Variants in EEA1 observed in about 807,000 individuals in gnomAD.
EEA1 encodes early endosome antigen 1, also known as early endosome antigen 1, 162kD.
Under a neutral mutation model 209.2 loss-of-function variants are expected in EEA1, and 111 were observed. The observed-to-expected ratio is 0.53, with a 90% CI of 0.45 to 0.62. The LOEUF (loss-of-function observed/expected upper bound fraction) is 0.62, where lower values mean the gene tolerates loss of function less well. Among genes scored for constraint, EEA1 ranks in the 20% least tolerant of loss-of-function variants. The pLI, the probability that EEA1 is intolerant of heterozygous loss-of-function variation, is 0.00. For synonymous variants in EEA1, 536 were observed against 540.6 expected (o/e 0.99, Z 0.12); for missense variants, 1,343 against 1,530.8 (o/e 0.88, Z 2.05).
intron 11 of EEA1, among the ~76,000 whole-genome samples, chr12:92,831,940 A>G (rs1447752643): frequency 6.0e-5 from 9 of 149,016 alleles, no homozygotes; most frequent in African/African-American, 2.2e-4. Flanking sequence ...AAAAAAAATT[A>G]GCCGGGCGCG....
At chr12:92,808,140 G>T (rs1875303120) in intron 18 of EEA1, among the ~76,000 whole-genome samples, 1 of 152,010 alleles carries the variant, frequency 6.6e-6, no homozygotes, top group Non-Finnish European at 1.5e-5. Flanking sequence ...TAGATACTAT[G>T]ATATTAGGTA....
chr12:92,851,812 G>T (rs1877643460), intron 8 of EEA1, among the ~76,000 whole-genome samples: 1 of 152,042 alleles, frequency 6.6e-6, no homozygotes, highest in African/African-American at 2.4e-5. Flanking sequence ...TTTTATACTT[G>T]TTGAATTTGA....
intron 1 of EEA1, among the ~76,000 whole-genome samples, chr12:92,910,950 G>A (rs1483682965): frequency 1.3e-5 from 2 of 152,214 alleles, no homozygotes; most frequent in Non-Finnish European, 1.5e-5. Flanking sequence ...AACACAGCTA[G>A]TAGAATGGCC....
chr12:92,891,636 G>T lies in EEA1; in HGVS notation c.110C>A (p.Ser37Tyr). The stretch of plus-strand genomic sequence containing the variant: ...AAGTTATTATTTTCATACCTCTGAA[G>T]AGCTTTCATTATTGACGTCCACTGT... ...INTVDVNNES[S>Y]SEGFICPQCM... The change falls in exon 2 of 29, where the codon TCT becomes TAT. Residue 37 changes from serine (S) to tyrosine (Y), a missense_variant. Transcript: ENST00000322349. The T allele has an allele frequency of 6.3e-7, 1 of 1,598,550 alleles. No homozygotes were observed.
At chr12:92,864,021 C>T (rs1400006041) in intron 3 of EEA1, among the ~76,000 whole-genome samples, 2 of 152,090 alleles carry the variant, frequency 1.3e-5, no homozygotes, top group African/African-American at 4.8e-5. Context: ...TTAATTCACA[C>T]ATAAAAATAC....
intron 21 of EEA1, among the ~76,000 whole-genome samples, chr12:92,797,382 C>T (rs891225237): frequency 1.2e-4 from 18 of 152,126 alleles, no homozygotes; most frequent in African/African-American, 4.3e-4. Context: ...GCCACTGCAC[C>T]CAGCCAATTT....
At chr12:92,840,877 T>C (rs1877138008) in intron 10 of EEA1, among the ~76,000 whole-genome samples, 1 of 152,142 alleles carries the variant, frequency 6.6e-6, no homozygotes, top group Non-Finnish European at 1.5e-5. Flanking sequence ...CTCAAGGAGA[T>C]GGTATTAGGA....
Position 92,776,698 on chromosome 12 carries a change from C to A in EEA1, c.4113+146G>T, listed in dbSNP as rs1873669571. ...CATATGCTAACCAAAAGCTAGACTGCATGAAGTTATTCTATGTTGTTGTTA... is the reference window on the plus strand; with the variant it reads ...CATATGCTAACCAAAAGCTAGACTGAATGAAGTTATTCTATGTTGTTGTTA... On this transcript the variant is annotated intron_variant, in intron 28 of 28. Transcript: ENST00000322349. 7.0e-6 allele frequency: 5 copies of A among 712,676 alleles called. No homozygotes were observed. The East Asian group carries it at 1.4e-4, about 19-fold the overall frequency. 44.1% of individuals were successfully genotyped at this position (712,676 alleles called of 1,614,324 possible).
intron 21 of EEA1, among the ~76,000 whole-genome samples, chr12:92,791,766 A>G (rs1210678593): frequency 6.6e-6 from 1 of 152,234 alleles, no homozygotes; most frequent in African/African-American, 2.4e-5. Context: ...CTCTGCAACA[A>G]GCAGACCTAA....
At chr12:92,830,580 G>C (rs956024853) in intron 11 of EEA1, among the ~76,000 whole-genome samples, 3 of 151,908 alleles carry the variant, frequency 2.0e-5, no homozygotes, top group African/African-American at 4.8e-5. Flanking sequence ...GGAATAAAAA[G>C]AATATTTCAG....
intron 1 of EEA1, among the ~76,000 whole-genome samples, chr12:92,913,073 T>C (rs372124412): frequency 6.6e-6 from 1 of 152,220 alleles, no homozygotes; most frequent in East Asian, 1.9e-4. Context: ...CTGGGACTGC[T>C]GGATTGAACT....
At chr12:92,854,442 T>C (rs1877776182) in intron 5 of EEA1, among the ~76,000 whole-genome samples, 1 of 152,216 alleles carries the variant, frequency 6.6e-6, no homozygotes, top group Admixed American at 6.5e-5. Flanking sequence ...TAATACCTGT[T>C]AGACCCCATA....
intron 18 of EEA1, among the ~76,000 whole-genome samples, chr12:92,808,620 G>A (rs1228956719): frequency 4.0e-5 from 6 of 151,892 alleles, no homozygotes; most frequent in Admixed American, 2.6e-4. Flanking sequence ...TTATAAGAAA[G>A]AATCCATTCC....
At chr12:92,844,902 T>C (rs894594334) in intron 9 of EEA1, among the ~76,000 whole-genome samples, 2 of 152,076 alleles carry the variant, frequency 1.3e-5, no homozygotes, top group Non-Finnish European at 2.9e-5. Context: ...TTAAGCCAAG[T>C]GTAAGGTCTA....
At chr12:92,922,125 A>G (rs1881032961) in intron 1 of EEA1, among the ~76,000 whole-genome samples, 1 of 151,996 alleles carries the variant, frequency 6.6e-6, no homozygotes, top group African/African-American at 2.4e-5. Context: ...ATTTACACAT[A>G]CCCAACACCT....
intron 2 of EEA1, among the ~76,000 whole-genome samples, chr12:92,887,589 T>C (rs989462556): frequency 6.6e-6 from 1 of 151,906 alleles, no homozygotes; most frequent in African/African-American, 2.4e-5. Flanking sequence ...CCCAGGAGTT[T>C]GAGGTGCAGT....
In EEA1 at chr12:92,864,998, G is replaced by A. The variant is rs1592745104; in HGVS notation, c.118-11C>T. On this transcript the variant is annotated splice_polypyrimidine_tract_variant and intron_variant, in intron 2 of 28. Transcript: ENST00000322349. ...GGGACATATGAAACCCTATAGAAAGGGGCAGAAAAAAGTTTCAAAATAGTA... is the reference window on the plus strand; with the variant it reads ...GGGACATATGAAACCCTATAGAAAGAGGCAGAAAAAAGTTTCAAAATAGTA... 2 of 1,567,440 alleles carry A rather than the reference G, an allele frequency of 1.3e-6. No homozygotes were observed. The highest frequency in any genetic ancestry group is 1.2e-5 in the South Asian group (1 of 81,906).
intron 1 of EEA1, among the ~76,000 whole-genome samples, chr12:92,902,881 A>G (rs1880210702): frequency 1.3e-5 from 2 of 151,904 alleles, no homozygotes; most frequent in African/African-American, 4.8e-5. Flanking sequence ...TAAGCAACCT[A>G]TATGTTCAAA....
intron 3 of EEA1, among the ~76,000 whole-genome samples, chr12:92,862,923 G>GA (rs1164969379): frequency 6.6e-6 from 1 of 152,120 alleles, no homozygotes. Context: ...GAAGAAAACA[G>GA]AAAAAACTCT....
Sources: gnomAD v4.1 joint callset for allele counts (sites outside exome capture counted in the v4.1 genomes callset) on GRCh38, gnomAD v4.1.1 for gene constraint, MANE v1.5 for transcripts, NCBI Gene and HGNC (gene_info 2026-07-23, HGNC 2026-07-21) for gene names.